ABR: variants seen among roughly 807,000 people sequenced by gnomAD.
ABR encodes active breakpoint cluster region-related protein.
In ABR, 35 loss-of-function variants were observed where a neutral mutation model predicts 107.2. The ratio of observed to expected loss-of-function variants is 0.33; its 90% CI spans 0.25 to 0.43. The LOEUF (loss-of-function observed/expected upper bound fraction) is 0.43, where lower values mean the gene tolerates loss of function less well. ABR is among the 20% of genes least tolerant of loss of function. The pLI, the probability that ABR is intolerant of heterozygous loss-of-function variation, is 1.00. For synonymous variants in ABR, 498 were observed against 462.0 expected, an observed-to-expected ratio of 1.08 and a Z score of -1.00; for missense variants, 815 against 1,115.2, an observed-to-expected ratio of 0.73 and a Z score of 3.83.
At position 1,070,504 on chromosome 17, in the gene ABR, C is replaced by T. The variant is rs529242752; in HGVS notation, c.895-414G>A. Among the ~76,000 whole-genome samples the T allele has an allele frequency of 3.3e-5, 5 of 152,298 alleles. No homozygotes were observed. Among genetic ancestry groups the T allele is most frequent in the East Asian group, 1.9e-4 (1 of 5,178 alleles). ...GACCTGGTTTCTCCACCCTGGGGCA[C>T]GAACATCCCCGTTTGCAATCCCTCC... On this transcript the variant is annotated intron_variant, in intron 8 of 22. Coordinates refer to ENST00000302538, the MANE Select transcript of ABR (RefSeq NM_021962.5). This position sits in a 1 kb window ranked among gnomAD's most constrained non-coding sequence, Gnocchi z 4.2.
At chr17:1,181,588 G>A (rs1226299476), upstream of ABR, among the ~76,000 whole-genome samples, 1 of 152,210 alleles carries the variant, frequency 6.6e-6, no homozygotes, top group East Asian at 1.9e-4. Context: ...GAGCTTGGCA[G>A]GGAGGGGGCG....
At chr17:1,209,505 G>C (rs2042862237) in intron 1 of ABR, among the ~76,000 whole-genome samples, 1 of 152,086 alleles carries the variant, frequency 6.6e-6, no homozygotes, top group Non-Finnish European at 1.5e-5. Flanking sequence ...TCGAACTCCT[G>C]GACTAAGGTG....
chr17:1,013,753 G>A (rs898426337), intron 16 of ABR, among the ~76,000 whole-genome samples: 1 of 152,196 alleles, frequency 6.6e-6, no homozygotes, highest in African/African-American at 2.4e-5. Context: ...AAGATTCAGG[G>A]AGAAAACTTG....
upstream of ABR, among the ~76,000 whole-genome samples, chr17:1,181,640 G>A (rs575854019): frequency 6.6e-5 from 10 of 152,342 alleles, no homozygotes; most frequent in South Asian, 1.9e-3. Context: ...GCTTCGGCAT[G>A]GGAAGGGAAC....
chr17:1,023,119 A>AGAGCCACTGCCTGCCCCACGTCCGCTC (rs1167753663), intron 16 of ABR, among the ~76,000 whole-genome samples: 156 of 99,016 alleles, frequency 1.6e-3, no homozygotes, highest in African/African-American at 5.8e-3. Context: ...CACGTCCACT[A>AGAGCCACTGCCTGCCCCACGTCCGCTC]CAGCGCCTCT....
At chr17:1,079,060 A>AGGG (rs2035986381) in intron 6 of ABR, 1 of 406,606 alleles carries the variant, frequency 2.5e-6, no homozygotes, top group Admixed American at 4.8e-5. Flanking sequence ...GAAGGGGAGG[A>AGGG]GGGGTAGGGA....
At chr17:1,021,074 C>T (rs2071585892) in intron 16 of ABR, among the ~76,000 whole-genome samples, 1 of 152,168 alleles carries the variant, frequency 6.6e-6, no homozygotes, top group African/African-American at 2.4e-5. Flanking sequence ...AAGCCCTCAC[C>T]CAGGGCCCTT....
chr17:1,082,248 G>A (rs1244920242), intron 5 of ABR, among the ~76,000 whole-genome samples: 1 of 152,086 alleles, frequency 6.6e-6, no homozygotes, highest in African/African-American at 2.4e-5. Flanking sequence ...GTGCTTCAGG[G>A]GTGCCACTGA....
upstream of ABR, among the ~76,000 whole-genome samples, chr17:1,188,713 G>A (rs1005960116): frequency 1.3e-5 from 2 of 152,146 alleles, no homozygotes; most frequent in African/African-American, 2.4e-5. Flanking sequence ...ACAGGATGGC[G>A]GATGGCGAGT....
chr17:1,220,146 CCGGGCGTGGTGG>C (rs2043092047), intron 1 of ABR, among the ~76,000 whole-genome samples: 2 of 151,956 alleles, frequency 1.3e-5, no homozygotes, highest in South Asian at 4.2e-4. Flanking sequence ...AAAAAATTAG[CCGGGCGTGGTGG>C]CGGGCGCCTG....
intron 16 of ABR, among the ~76,000 whole-genome samples, chr17:1,043,952 T>G (rs2031113214): frequency 1.3e-5 from 2 of 152,212 alleles, no homozygotes; most frequent in Admixed American, 1.3e-4. Context: ...AAGTAGCTTC[T>G]TGGTCTCAGG....
intron 1 of ABR, among the ~76,000 whole-genome samples, chr17:1,153,619 GGTCCAGGC>G (rs2040906319): frequency 1.3e-4 from 12 of 93,660 alleles, no homozygotes; most frequent in African/African-American, 2.5e-4. Flanking sequence ...GAGGGCTGGG[GGTCCAGGC>G]ACACCTACGG....
In ABR at chr17:1,200,670, G is replaced by A. The variant is rs2042654566; in HGVS notation, c.838+28123C>T. Among the ~76,000 whole-genome samples, 1 of 152,104 alleles carries A rather than the reference G, an allele frequency of 6.6e-6. No individual in the cohort carries two copies. Among genetic ancestry groups the A allele is most frequent in the Non-Finnish European group, 1.5e-5 (1 of 68,038 alleles). On this transcript the variant is annotated intron_variant, in intron 1 of 22. Coordinates refer to the ABR transcript ENST00000574139. The surrounding 1 kb of genome is among the most constrained non-coding windows in gnomAD (Gnocchi z 4.1). ...GAGCTATGACCTCACTTTATTCGGG[G>A]CCTCCGTGGTGCAGACACAAAGATG...
chr17:1,127,951 A>G (rs1461489830), intron 1 of ABR, among the ~76,000 whole-genome samples: 1 of 152,210 alleles, frequency 6.6e-6, no homozygotes, highest in Non-Finnish European at 1.5e-5. Flanking sequence ...CAATTGCCGA[A>G]GATCACAGGA....
Position 1,050,858 on chromosome 17 carries a change from T to C in ABR, c.1562-224A>G, listed in dbSNP as rs2032411024. ...CCTCGGCTCACCCCACACTCTGCCC[T>C]TCCTACCTCAGCCCTCCCCACACTC... On this transcript the variant is annotated intron_variant, in intron 14 of 22. Coordinates refer to ENST00000302538, the MANE Select transcript of ABR (RefSeq NM_021962.5). This position sits in a 1 kb window ranked among gnomAD's most constrained non-coding sequence, Gnocchi z 4.6. 6.6e-6 allele frequency among the ~76,000 whole-genome samples: 1 copy of C among 151,430 alleles called. No homozygotes were observed. Among genetic ancestry groups the C allele is most frequent in the Non-Finnish European group, 1.5e-5 (1 of 67,820 alleles).
intron 1 of ABR, 188 bp from the exon 2 acceptor site, chr17:1,125,555 G>A (rs963660952): frequency 4.9e-5 from 21 of 432,946 alleles, no homozygotes; most frequent in South Asian, 3.6e-4. Flanking sequence ...AGCAGGCACC[G>A]GGCCCTGCCC....
rs1322886416 is a variant in ABR at position 1,113,889 on chromosome 17, C to T, written c.246+11294G>A. The stretch of plus-strand genomic sequence containing the variant: ...CCACGAATAAACTATACATATAGGC[C>T]GGGTGCAGTGGCTTACGCCTGAAAT... On this transcript the variant is annotated intron_variant, in intron 2 of 22. Coordinates refer to ENST00000302538, the MANE Select transcript of ABR (RefSeq NM_021962.5). Among the ~76,000 whole-genome samples the T allele has an allele frequency of 2.6e-5, 4 of 152,200 alleles. 1 individual carries two copies. Among genetic ancestry groups the T allele is most frequent in the East Asian group, 1.9e-4 (1 of 5,172 alleles).
chr17:1,062,966 T>C (rs543035646), intron 10 of ABR, among the ~76,000 whole-genome samples: 2 of 143,448 alleles, frequency 1.4e-5, no homozygotes, highest in South Asian at 2.3e-4. Context: ...GCTGCTGTTA[T>C]GTGAACTGAG....
At chr17:1,123,431 C>T (rs1037983031) in intron 2 of ABR, among the ~76,000 whole-genome samples, 4 of 152,188 alleles carry the variant, frequency 2.6e-5, no homozygotes, top group East Asian at 1.9e-4. Flanking sequence ...CCCGAAGCCC[C>T]GGAGCGCCAG....
Sources: allele counts gnomAD v4.1 joint callset (sites outside exome capture counted in the v4.1 genomes callset), GRCh38; gene constraint gnomAD v4.1.1; non-coding constraint Gnocchi (gnomAD v3.1); transcripts MANE v1.5; gene names NCBI Gene and HGNC (gene_info 2026-07-23, HGNC 2026-07-21).